Variants in DAB1 observed in about 807,000 individuals in gnomAD.
DAB1 encodes the protein DAB adaptor protein 1, also known as disabled homolog 1.
DAB1 carries 15 observed loss-of-function variants against 64.6 expected under a neutral mutation model. The ratio of observed to expected loss-of-function variants is 0.23; its 90% CI spans 0.16 to 0.36. The LOEUF is 0.36. DAB1 is among the 10% of genes least tolerant of loss of function. The pLI is 1.00. For synonymous variants in DAB1, 235 were observed against 251.9 expected (o/e 0.93, Z 0.64); for missense variants, 596 against 706.7 (o/e 0.84, Z 1.78).
chr1:57,343,586 C>A (rs963841337), intron 1 of DAB1, among the ~76,000 whole-genome samples: 6 of 152,228 alleles, frequency 3.9e-5, no homozygotes, highest in African/African-American at 1.4e-4. Flanking sequence ...AGGTCCCGAG[C>A]CCTGCCCTGA....
intron 4 of DAB1, among the ~76,000 whole-genome samples, chr1:58,174,635 G>T (rs1160535454): frequency 1.3e-5 from 2 of 152,250 alleles, no homozygotes; most frequent in East Asian, 3.8e-4. Context: ...TCTGGGTCGG[G>T]TGGGGACTTG....
At chr1:58,300,588 GAAAGAAAGAA>G (rs1662109895) in intron 4 of DAB1, among the ~76,000 whole-genome samples, 1 of 26,708 alleles carries the variant, frequency 3.7e-5, no homozygotes, top group African/African-American at 1.1e-4. Flanking sequence ...AAGAAAGAAA[GAAAGAAAGAA>G]AGAAAGAAAG....
chr1:57,001,415 A>T (rs1427065910), intron 14 of DAB1, among the ~76,000 whole-genome samples: 2 of 152,222 alleles, frequency 1.3e-5, no homozygotes, highest in East Asian at 3.8e-4. Flanking sequence ...CACAAGGCCC[A>T]TTAGTCTCTT....
At chr1:57,218,515 T>TAAAAAAAAAAAAAAAAAAAAA (rs776398255) in intron 2 of DAB1, among the ~76,000 whole-genome samples, 2 of 71,452 alleles carry the variant, frequency 2.8e-5, no homozygotes, top group African/African-American at 7.4e-5. Flanking sequence ...CCCCCATCTC[T>TAAAAAAAAAAAAAAAAAAAAA]AAAAAAAAAA....
intron 5 of DAB1, among the ~76,000 whole-genome samples, chr1:58,006,325 G>A (rs916136353): frequency 3.3e-5 from 5 of 152,168 alleles, no homozygotes; most frequent in African/African-American, 1.2e-4. Context: ...AAAAGCAGAA[G>A]GGAATAGAAT....
chr1:57,766,518 T>A (rs1649319049), intron 6 of DAB1, among the ~76,000 whole-genome samples: 1 of 152,134 alleles, frequency 6.6e-6, no homozygotes, highest in African/African-American at 2.4e-5. Context: ...TTTCCTTTTC[T>A]CTGCACGCAG....
intron 7 of DAB1, among the ~76,000 whole-genome samples, chr1:57,610,042 C>T (rs961235566): frequency 4.6e-5 from 7 of 152,286 alleles, no homozygotes; most frequent in South Asian, 2.1e-4. Flanking sequence ...CATGCTGCTC[C>T]CTGTGGCTCC....
At chr1:57,198,649 T>TCTCTCTCTCTCTCTCA (rs1477522407) in intron 2 of DAB1, among the ~76,000 whole-genome samples, 4 of 128,334 alleles carry the variant, frequency 3.1e-5, no homozygotes, top group African/African-American at 1.2e-4. Flanking sequence ...CTTCTCTCTC[T>TCTCTCTCTCTCTCTCA]CACACACACA....
In DAB1 at chr1:58,410,371, C is replaced by G. The variant is rs181250063; in HGVS notation, n.258-66968G>C. Reference sequence around the variant, plus strand: ...CGATTCTAGGGAATGGCTCCTTCATCCTGATGTGGCCCTTTCTTCTGCCTT... The same window carrying G: ...CGATTCTAGGGAATGGCTCCTTCATGCTGATGTGGCCCTTTCTTCTGCCTT... On this transcript the variant is annotated intron_variant and non_coding_transcript_variant, in intron 3 of 20. Coordinates refer to the DAB1 transcript ENST00000485760. Among the ~76,000 whole-genome samples the G allele has an allele frequency of 4.0e-3, 605 of 152,308 alleles. 5 individuals carry two copies. The highest frequency in any genetic ancestry group is 0.013 in the African/African-American group (561 of 41,566).
chr1:57,121,198 G>C (rs1455546085), intron 4 of DAB1, among the ~76,000 whole-genome samples: 2 of 151,266 alleles, frequency 1.3e-5, no homozygotes, highest in Non-Finnish European at 2.9e-5. Flanking sequence ...AGAAGAAGGA[G>C]AAGGAGAAGA....
intron 4 of DAB1, among the ~76,000 whole-genome samples, chr1:57,073,491 A>T (rs553383125): frequency 6.6e-6 from 1 of 152,186 alleles, no homozygotes; most frequent in Non-Finnish European, 1.5e-5. Context: ...ATTTTCCTAT[A>T]CTAAACCTAC....
chr1:57,256,237 A>G (rs184334016), intron 2 of DAB1, among the ~76,000 whole-genome samples: 12 of 152,294 alleles, frequency 7.9e-5, no homozygotes, highest in African/African-American at 2.9e-4. Context: ...CTTAAATGAT[A>G]CTCAAAAACT....
In DAB1 at chr1:57,343,615, C is replaced by T. The variant is rs571636826; in HGVS notation, c.-136-52449G>A. On this transcript the variant is annotated intron_variant, in intron 1 of 14. Coordinates refer to ENST00000371236, the MANE Select transcript of DAB1 (RefSeq NM_001365792.1). ...GCCCTGAGGGAAGGCAGCTAAGGCC[C>T]GGCGAGAAATTGAGCACAGCAGCTG... Among the ~76,000 whole-genome samples the T allele has an allele frequency of 8.5e-5, 13 of 152,310 alleles. No homozygotes were observed. The South Asian group carries it at 2.1e-3, about 24-fold the overall frequency.
rs141102685 is a variant in DAB1 at position 58,514,949 on chromosome 1, T to G, written n.108-8740A>C. Among the ~76,000 whole-genome samples the G allele has an allele frequency of 1.7e-3, 254 of 152,292 alleles. No homozygotes were observed. The Middle Eastern group carries it at 0.017, about 10-fold the overall frequency. Reference sequence around the variant, plus strand: ...GTTTACCTATACCTCACAGGGTTGTTATGAAGATCAAAAGAATAAATACAT... The same window carrying G: ...GTTTACCTATACCTCACAGGGTTGTGATGAAGATCAAAAGAATAAATACAT... On this transcript the variant is annotated intron_variant and non_coding_transcript_variant, in intron 2 of 20. Coordinates refer to the DAB1 transcript ENST00000485760.
At chr1:57,107,300 G>T (rs1655254916) in intron 4 of DAB1, among the ~76,000 whole-genome samples, 1 of 151,580 alleles carries the variant, frequency 6.6e-6, no homozygotes, top group Admixed American at 6.6e-5. Flanking sequence ...GCTTGAACCG[G>T]GGAGGCGGAA....
intron 6 of DAB1, among the ~76,000 whole-genome samples, chr1:57,655,826 T>C (rs1227447186): frequency 6.6e-6 from 1 of 152,224 alleles, no homozygotes; most frequent in Non-Finnish European, 1.5e-5. Flanking sequence ...ATTTGGGATC[T>C]AGCATTGTTT....
At chr1:57,090,944 T>G (rs934604438) in intron 4 of DAB1, among the ~76,000 whole-genome samples, 23 of 152,130 alleles carry the variant, frequency 1.5e-4, no homozygotes, top group Non-Finnish European at 3.4e-4. Context: ...GAGATCTACG[T>G]TGCACACTCC....
At chr1:57,383,677 A>G (rs1681562564) in intron 1 of DAB1, among the ~76,000 whole-genome samples, 1 of 152,166 alleles carries the variant, frequency 6.6e-6, no homozygotes, top group South Asian at 2.1e-4. Context: ...TCTTTAGCAA[A>G]CAGTGTTGGG....
intron 6 of DAB1, among the ~76,000 whole-genome samples, chr1:57,742,729 C>G (rs1242058780): frequency 6.6e-6 from 1 of 152,094 alleles, no homozygotes; most frequent in East Asian, 1.9e-4. Flanking sequence ...CTGGGAACAA[C>G]TGAATCTGGA....
Sources: gnomAD v4.1 joint callset for allele counts (sites outside exome capture counted in the v4.1 genomes callset) on GRCh38, gnomAD v4.1.1 for gene constraint, MANE v1.5 for transcripts, NCBI Gene and HGNC (gene_info 2026-07-23, HGNC 2026-07-21) for gene names.